The following VPS13C variants were observed in gnomAD, a reference collection of about 807,000 sequenced individuals.
The protein encoded by VPS13C is vacuolar protein sorting 13 homolog C.
VPS13C carries 358 observed loss-of-function variants against 456.8 expected under a neutral mutation model. That is an observed-to-expected ratio of 0.78 (90% CI 0.72 to 0.86). VPS13C has a LOEUF of 0.86. VPS13C is among the 40% of genes least tolerant of loss of function. The probability of loss-of-function intolerance (pLI) is 0.00; values close to 1 mark genes in which losing one functional copy is unlikely to be tolerated. For missense variants in VPS13C, 4,818 were observed against 4,385.4 expected (o/e 1.10, Z -2.79); for synonymous variants, 1,578 against 1,486.7 (o/e 1.06, Z -1.41).
intron 21 of VPS13C, among the ~76,000 whole-genome samples, chr15:61,981,921 C>A (rs985446719): frequency 4.0e-5 from 6 of 151,896 alleles, no homozygotes; most frequent in Admixed American, 1.3e-4. Flanking sequence ...AGGAGTATTA[C>A]TTTTTCTCAC....
In VPS13C at chr15:61,962,739, A is replaced by T; in HGVS notation, c.3435+10T>A. 6.4e-7 allele frequency: 1 copy of T among 1,559,864 alleles called. No homozygotes were observed. Among genetic ancestry groups the T allele is most frequent in the Non-Finnish European group, 8.8e-7 (1 of 1,141,852 alleles). On this transcript the variant is annotated intron_variant, in intron 33 of 84. Coordinates refer to ENST00000644861, the MANE Select transcript of VPS13C (RefSeq NM_020821.3). The stretch of plus-strand genomic sequence containing the variant: ...TAAAGAATATTAACTATCTGTTTAC[A>T]ATCACCTACTTTCTTATGAACTGTC...
intron 12 of VPS13C, among the ~76,000 whole-genome samples, chr15:62,011,693 A>T (rs1319397742): frequency 6.6e-6 from 1 of 151,976 alleles, no homozygotes; most frequent in Non-Finnish European, 1.5e-5. Flanking sequence ...AAAGCTCACT[A>T]AAAAAATTCT....
At chr15:61,859,572 A>G (rs1894111944) in intron 82 of VPS13C, among the ~76,000 whole-genome samples, 1 of 152,138 alleles carries the variant, frequency 6.6e-6, no homozygotes, top group Non-Finnish European at 1.5e-5. Flanking sequence ...TAGTTTACCT[A>G]TGCAAGAGCT....
At chr15:61,861,409 A>G (rs1894220012) in intron 82 of VPS13C, among the ~76,000 whole-genome samples, 1 of 152,186 alleles carries the variant, frequency 6.6e-6, no homozygotes, top group African/African-American at 2.4e-5. Context: ...CTGTTTTCTT[A>G]CTATAAGGGC....
chr15:61,956,577 T>G (rs1453340303), intron 37 of VPS13C, among the ~76,000 whole-genome samples: 6 of 152,020 alleles, frequency 3.9e-5, no homozygotes, highest in African/African-American at 1.4e-4. Context: ...AACAAAGGGC[T>G]CATATTCAGA....
At chr15:61,911,428 C>G (rs1173134309) in intron 63 of VPS13C, among the ~76,000 whole-genome samples, 2 of 152,150 alleles carry the variant, frequency 1.3e-5, no homozygotes, top group Non-Finnish European at 2.9e-5. Context: ...TTCCAGCTCA[C>G]CTATTCAGAA....
Position 61,917,596 on chromosome 15 carries a change from A to G in VPS13C, c.7800T>C (p.His2600=). ...TATAAGTGGTAGATTCTTTGTACTG[A>G]TGCTCTAAGATTCCAGCTGGCTGGA... is the stretch of plus-strand genomic sequence containing the variant. ...LFIQPAGILE[H]QYKESTTYIS... Residue 2600 remains histidine (H), a synonymous_variant, in exon 60 of 85, where the codon CAT becomes CAC. Transcript: ENST00000644861. The G allele has an allele frequency of 3.1e-6, 5 of 1,613,004 alleles. No individual in the cohort carries two copies. Among genetic ancestry groups the G allele is most frequent in the Non-Finnish European group, 4.2e-6 (5 of 1,179,054 alleles).
intron 27 of VPS13C, 106 bp from the exon 28 acceptor site, chr15:61,969,558 T>C (rs1372454798): frequency 1.6e-6 from 1 of 641,648 alleles, no homozygotes; most frequent in East Asian, 3.3e-5. Context: ...AATAGTAACT[T>C]TGCTCATATC....
rs754291486 is a variant in VPS13C, at chr15:61,963,844, T to C, written c.3322A>G (p.Lys1108Glu). Residue 1108 changes from lysine (K) to glutamate (E), a missense_variant, in exon 32 of 85, where the codon AAG becomes GAG. Physicochemically the swap from Lys to Glu is moderately conservative, Grantham distance 56 (BLOSUM62 1). Coordinates refer to ENST00000644861, the MANE Select transcript of VPS13C (RefSeq NM_020821.3). ...CCGTGTGAACTTTTACCTTGAATCT[T>C]GATTTCGGCGATATTGTTCTTTTCG... ...CNEKNNIAEI[K>E]IQGLDSSLSL... 6.2e-7 allele frequency: 1 copy of C among 1,607,908 alleles called. No individual in the cohort carries two copies. Among genetic ancestry groups the C allele is most frequent in the South Asian group, 1.1e-5 (1 of 89,682 alleles).
At chr15:62,035,730 T>C (rs1430759568) in intron 3 of VPS13C, among the ~76,000 whole-genome samples, 2 of 152,014 alleles carry the variant, frequency 1.3e-5, no homozygotes, top group African/African-American at 4.8e-5. Flanking sequence ...ATATTCCAAA[T>C]ATCTACTTAT....
intron 16 of VPS13C, among the ~76,000 whole-genome samples, chr15:61,995,279 G>A (rs1305381231): frequency 6.6e-6 from 1 of 152,140 alleles, no homozygotes. Flanking sequence ...AGTAAGCAAA[G>A]CAGGCAAATA....
rs1232173088 is a variant in VPS13C, at chr15:61,911,893, C to A, written c.8662G>T (p.Ala2888Ser). The A allele has an allele frequency of 6.2e-7, 1 of 1,612,250 alleles. No individual in the cohort carries two copies. Among genetic ancestry groups the A allele is most frequent in the Non-Finnish European group, 8.5e-7 (1 of 1,179,028 alleles). ...SSLELEVGEI[A>S]SDGSMPTNKW... ...TTAGTTGGCATTGAGCCATCAGATG[C>A]AATCTCGCCAACTTCTAGTTCTAAT... is the stretch of plus-strand genomic sequence containing the variant. Residue 2888 changes from alanine (A) to serine (S), a missense_variant, in exon 63 of 85, where the codon GCA becomes TCA. Transcript: ENST00000644861.
At chr15:62,054,251 C>T (rs1001144857) in intron 1 of VPS13C, among the ~76,000 whole-genome samples, 1 of 152,212 alleles carries the variant, frequency 6.6e-6, no homozygotes, top group African/African-American at 2.4e-5. Flanking sequence ...GATAAACCTT[C>T]CTACTTATGT....
chr15:62,000,799 T>C (rs2046586142), intron 15 of VPS13C, among the ~76,000 whole-genome samples, 173 bp from the exon 16 acceptor site: 1 of 152,150 alleles, frequency 6.6e-6, no homozygotes, highest in Non-Finnish European at 1.5e-5. Context: ...TTTTTTACAG[T>C]AAGAGAAAAT....
Position 61,854,896 on chromosome 15 carries a change from T to C in VPS13C, c.11135A>G (p.Tyr3712Cys). 1.9e-6 allele frequency: 3 copies of C among 1,613,438 alleles called. No individual in the cohort carries two copies. The highest frequency in any genetic ancestry group is 2.5e-6 in the Non-Finnish European group (3 of 1,179,754). Residue 3712 changes from tyrosine (Y) to cysteine (C), a missense_variant, in exon 84 of 85, where the codon TAC (tyrosine) becomes TGC (cysteine). This residue lies in a region of VPS13C where 261 missense variants were observed against 234.1 expected (regional missense o/e 1.11). Coordinates refer to ENST00000644861, the MANE Select transcript of VPS13C (RefSeq NM_020821.3). The part of the protein sequence containing the change: ...SANQGCVRKV[Y>C]LKDTATAERA... ...CTCTGCTGTGGCGGTGTCCTTCAGGTAAACTTTTCGAACACAGCCTTGATT... is the reference window on the plus strand; with the variant it reads ...CTCTGCTGTGGCGGTGTCCTTCAGGCAAACTTTTCGAACACAGCCTTGATT...
chr15:61,941,633 G>A (rs1025711977), intron 46 of VPS13C, 130 bp downstream of exon 46: 16 of 1,009,540 alleles, frequency 1.6e-5, no homozygotes, highest in Middle Eastern at 3.3e-4. Context: ...GAAGCCAATG[G>A]TCAAGGTTTC....
rs1213094871 is a variant in VPS13C at position 62,004,833 on chromosome 15, G to C, written c.1290+2475C>G. ...AGTTTCCATGTAGTTGAGCGGTTTT[G>C]AGTGAGATTCTTAATACTGAGTTCT... On this transcript the variant is annotated intron_variant, in intron 15 of 84. Transcript: ENST00000644861. 2.0e-5 allele frequency among the ~76,000 whole-genome samples: 3 copies of C among 152,242 alleles called. No individual in the cohort carries two copies. The East Asian group carries it at 5.8e-4, about 29-fold the overall frequency.
At chr15:62,013,907 C>T in intron 10 of VPS13C, 26 bp downstream of exon 10, 1 of 1,565,202 alleles carries the variant, frequency 6.4e-7, no homozygotes, top group Non-Finnish European at 8.7e-7. Flanking sequence ...AGGAAACTAA[C>T]AAAAATTTTT....
chr15:61,982,409 C>A (rs1188047532), intron 21 of VPS13C, 50 bp downstream of exon 21: 14 of 1,454,724 alleles, frequency 9.6e-6, no homozygotes, highest in Non-Finnish European at 1.3e-5. Context: ...TTAGAGTAGG[C>A]AAAATTTTTA....
Sources: allele counts gnomAD v4.1 joint callset (sites outside exome capture counted in the v4.1 genomes callset), GRCh38; gene constraint gnomAD v4.1.1; regional missense constraint gnomAD v4.1.1; transcripts MANE v1.5; gene names NCBI Gene and HGNC (gene_info 2026-07-23, HGNC 2026-07-21).